Variants in KCNT2 observed in about 807,000 individuals in gnomAD.
KCNT2 encodes potassium channel subfamily T member 2.
In KCNT2, 67 loss-of-function variants were observed where a neutral mutation model predicts 153.8. The ratio of observed to expected loss-of-function variants is 0.44; its 90% CI spans 0.36 to 0.53. The LOEUF is 0.53. Among genes scored for constraint, KCNT2 ranks in the 20% least tolerant of loss-of-function variants. The pLI, the probability that KCNT2 is intolerant of heterozygous loss-of-function variation, is 0.00. For missense variants in KCNT2, 975 were observed against 1,354.8 expected (o/e 0.72, Z 4.40); for synonymous variants, 500 against 458.8 (o/e 1.09, Z -1.15).
intron 1 of KCNT2, among the ~76,000 whole-genome samples, chr1:196,564,245 C>G (rs1659799214): frequency 6.6e-6 from 1 of 151,580 alleles, no homozygotes; most frequent in Non-Finnish European, 1.5e-5. Flanking sequence ...AAAAAAAATT[C>G]TTAATCCTGT....
chr1:196,359,295 A>G (rs1667429331), intron 14 of KCNT2, among the ~76,000 whole-genome samples: 1 of 151,996 alleles, frequency 6.6e-6, no homozygotes, highest in African/African-American at 2.4e-5. Flanking sequence ...TCCAACAGAA[A>G]ATATTGCTTT....
chr1:196,357,107 G>T (rs1667237383), intron 14 of KCNT2, among the ~76,000 whole-genome samples: 1 of 151,654 alleles, frequency 6.6e-6, no homozygotes, highest in Non-Finnish European at 1.5e-5. Flanking sequence ...ATATTTATTT[G>T]TTAAATCTTG....
At chr1:196,518,716 C>G (rs1652943926) in intron 1 of KCNT2, among the ~76,000 whole-genome samples, 1 of 152,086 alleles carries the variant, frequency 6.6e-6, no homozygotes, top group African/African-American at 2.4e-5. Flanking sequence ...GGGTTCAATT[C>G]AAGAAGAAGA....
Position 196,425,953 on chromosome 1 carries a change from C to T in KCNT2, c.1020G>A (p.Met340Ile), listed in dbSNP as rs757677661. Residue 340 changes from methionine to isoleucine, a missense_variant, in exon 11 of 28, where the codon ATG becomes ATA. Around this residue, in one of 6 missense-constraint regions of KCNT2, gnomAD observed 202 missense variants for 314.9 expected, o/e 0.64. Coordinates refer to ENST00000294725, the MANE Select transcript of KCNT2 (RefSeq NM_198503.5). Reference sequence around the variant, plus strand: ...GCAGTACCCTTCGAACCTGTACATCCATTTCAGTAGGACACAAAATCACCA... The same window carrying T: ...GCAGTACCCTTCGAACCTGTACATCTATTTCAGTAGGACACAAAATCACCA... ...YYVVILCPTE[M>I]DVQVRRVLQI... is the part of the protein sequence containing the mutation. 6 of 1,612,084 alleles carry T rather than the reference C, an allele frequency of 3.7e-6. No homozygotes were observed. In the South Asian group the frequency reaches 6.6e-5, roughly 18 times the overall value.
chr1:196,391,641 C>T (rs1670503885), intron 13 of KCNT2, among the ~76,000 whole-genome samples: 1 of 151,150 alleles, frequency 6.6e-6, no homozygotes, highest in African/African-American at 2.4e-5. Flanking sequence ...AATCAAATGT[C>T]AAGGAAAATA....
chr1:196,558,663 A>C (rs1008819523), intron 1 of KCNT2, among the ~76,000 whole-genome samples: 2 of 151,346 alleles, frequency 1.3e-5, no homozygotes, highest in Non-Finnish European at 3.0e-5. Context: ...TAAGTTTATG[A>C]CTCATCACTT....
chr1:196,598,229 T>A (rs1664313536), intron 1 of KCNT2, among the ~76,000 whole-genome samples: 2 of 152,296 alleles, frequency 1.3e-5, no homozygotes, highest in Non-Finnish European at 2.9e-5. Flanking sequence ...CATTTATTAT[T>A]CACTTGCTTT....
At chr1:196,588,091 G>A (rs952618531) in intron 1 of KCNT2, among the ~76,000 whole-genome samples, 6 of 151,906 alleles carry the variant, frequency 3.9e-5, no homozygotes, top group African/African-American at 1.4e-4. Flanking sequence ...CTCTTTTATT[G>A]TTAACCTGAA....
intron 1 of KCNT2, among the ~76,000 whole-genome samples, chr1:196,510,609 A>T (rs1022525234): frequency 6.6e-6 from 1 of 152,250 alleles, no homozygotes; most frequent in Non-Finnish European, 1.5e-5. Context: ...GTTTCAATTA[A>T]TTTAGTAGTT....
intron 12 of KCNT2, among the ~76,000 whole-genome samples, chr1:196,422,164 T>C (rs1317853106): frequency 6.6e-6 from 1 of 151,988 alleles, no homozygotes; most frequent in Non-Finnish European, 1.5e-5. Flanking sequence ...ATAAGTAGTT[T>C]AGGTAAATTA....
chr1:196,592,543 TAA>T (rs1367391821), intron 1 of KCNT2, among the ~76,000 whole-genome samples: 10 of 147,446 alleles, frequency 6.8e-5, no homozygotes, highest in African/African-American at 2.0e-4. Context: ...TAACTATATA[TAA>T]ATATATAAAT....
At chr1:196,599,426 T>C (rs1189539428) in intron 1 of KCNT2, among the ~76,000 whole-genome samples, 1 of 152,192 alleles carries the variant, frequency 6.6e-6, no homozygotes, top group Non-Finnish European at 1.5e-5. Context: ...GTTCACTGTT[T>C]CTTAGATTTA....
intron 1 of KCNT2, among the ~76,000 whole-genome samples, chr1:196,493,550 AT>A (rs547008997): frequency 7.2e-5 from 11 of 151,936 alleles, no homozygotes; most frequent in African/African-American, 2.4e-4. Flanking sequence ...GCAACAGGGC[AT>A]TTTTTTTAAT....
At chr1:196,582,762 C>G (rs2148980336) in intron 1 of KCNT2, among the ~76,000 whole-genome samples, 1 of 152,138 alleles carries the variant, frequency 6.6e-6, no homozygotes, top group Non-Finnish European at 1.5e-5. Flanking sequence ...GGCAAGGATA[C>G]AGATGAACCA....
At chr1:196,270,566 A>G (rs1360490725) in intron 25 of KCNT2, among the ~76,000 whole-genome samples, 1 of 152,112 alleles carries the variant, frequency 6.6e-6, no homozygotes, top group Non-Finnish European at 1.5e-5. Context: ...ATAAACACAC[A>G]AATTCAACGT....
chr1:196,450,512 G>A (rs1676063614), intron 8 of KCNT2, among the ~76,000 whole-genome samples: 1 of 151,554 alleles, frequency 6.6e-6, no homozygotes, highest in Non-Finnish European at 1.5e-5. Flanking sequence ...TCTTATCCTT[G>A]TATGTATGTG....
At position 196,584,194 on chromosome 1, in the gene KCNT2, A is replaced by AT. The variant is rs1553259558; in HGVS notation, c.95+24020_95+24021insA. Reference sequence around the variant, plus strand: ...ATAAAATAAAATAAAATAAAATAAAAAGAATAGAAGCTCCCGCCCAAACCC... The same window carrying AT: ...ATAAAATAAAATAAAATAAAATAAAATAGAATAGAAGCTCCCGCCCAAACCC... On this transcript the variant is annotated intron_variant, in intron 1 of 27. Coordinates refer to ENST00000294725, the MANE Select transcript of KCNT2 (RefSeq NM_198503.5). Among the ~76,000 whole-genome samples, 15 of 151,780 alleles carry AT rather than the reference A, an allele frequency of 9.9e-5. 1 individual carries two copies. In the South Asian group the frequency reaches 2.1e-3, roughly 21 times the overall value.
intron 14 of KCNT2, among the ~76,000 whole-genome samples, chr1:196,349,627 C>A (rs952259199): frequency 3.3e-5 from 5 of 152,068 alleles, no homozygotes; most frequent in Non-Finnish European, 7.3e-5. Flanking sequence ...TCAGCTGCCT[C>A]ACTTTGTGGA....
intron 14 of KCNT2, among the ~76,000 whole-genome samples, chr1:196,362,503 G>T (rs533799036): frequency 6.6e-6 from 1 of 152,136 alleles, no homozygotes; most frequent in East Asian, 1.9e-4. Context: ...GTGTAGTTCA[G>T]ATCCTTAAAA....
Sources: allele counts gnomAD v4.1 joint callset (sites outside exome capture counted in the v4.1 genomes callset), GRCh38; gene constraint gnomAD v4.1.1; regional missense constraint gnomAD v4.1.1; transcripts MANE v1.5; gene names NCBI Gene and HGNC (gene_info 2026-07-23, HGNC 2026-07-21).